Variants in CCDC85A observed in about 807,000 individuals in gnomAD.
CCDC85A encodes the protein coiled-coil domain containing 85A, also known as coiled-coil domain-containing protein 85A.
In CCDC85A, 38 loss-of-function variants were observed where a neutral mutation model predicts 50.2. That is an observed-to-expected ratio of 0.76 (90% CI 0.58 to 0.99). CCDC85A has a LOEUF of 0.99. CCDC85A is among the 50% of genes least tolerant of loss of function. CCDC85A has a pLI of 0.00. For synonymous variants in CCDC85A, 366 were observed against 301.4 expected (o/e 1.21, Z -2.22); for missense variants, 820 against 742.0 (o/e 1.11, Z -1.22).
intron 2 of CCDC85A, among the ~76,000 whole-genome samples, chr2:56,301,993 C>T (rs745593554): frequency 2.2e-4 from 34 of 152,268 alleles, no homozygotes; most frequent in South Asian, 4.1e-4. Context: ...TAGTGGCTCA[C>T]GCCTGTAATC....
chr2:56,383,059 AC>A (rs1676665287), intron 5 of CCDC85A, among the ~76,000 whole-genome samples: 1 of 151,860 alleles, frequency 6.6e-6, no homozygotes. Context: ...ATATTTAAGA[AC>A]CCTAACTTCA....
chr2:56,277,430 T>C (rs2869530), intron 2 of CCDC85A, among the ~76,000 whole-genome samples: 11,792 of 98,848 alleles, frequency 0.12, 1,508 homozygotes, highest in African/African-American at 0.37. Flanking sequence ...CATGGACACA[T>C]TAAACATAGA....
At chr2:56,294,314 AG>A (rs1671850544) in intron 2 of CCDC85A, among the ~76,000 whole-genome samples, 1 of 152,186 alleles carries the variant, frequency 6.6e-6, no homozygotes, top group Non-Finnish European at 1.5e-5. Context: ...GAGAGCATCA[AG>A]ATAAGTAGCT....
intron 2 of CCDC85A, among the ~76,000 whole-genome samples, chr2:56,282,144 T>C (rs1489366692): frequency 6.6e-6 from 1 of 152,136 alleles, no homozygotes; most frequent in Non-Finnish European, 1.5e-5. Flanking sequence ...TTTTTATGGA[T>C]ATCGAGGTAC....
intron 5 of CCDC85A, chr2:56,379,630 T>A (rs1452678819): frequency 1.9e-5 from 3 of 158,004 alleles, no homozygotes; most frequent in African/African-American, 7.2e-5. Context: ...GCTAATCCAC[T>A]CTGATATGCA....
intron 2 of CCDC85A, among the ~76,000 whole-genome samples, chr2:56,291,773 CT>C (rs35549209): frequency 0.91 from 105,606 of 115,546 alleles, 48,245 homozygotes; most frequent in South Asian, 0.98. Flanking sequence ...AATGGGAAGG[CT>C]TTTTTTTTTT....
intron 2 of CCDC85A, among the ~76,000 whole-genome samples, chr2:56,229,251 A>T (rs1668678990): frequency 6.6e-6 from 1 of 152,186 alleles, no homozygotes; most frequent in Admixed American, 6.5e-5. Context: ...ATATTAGCTT[A>T]TGAGGAGCTT....
At chr2:56,244,398 G>T (rs1357206156) in intron 2 of CCDC85A, among the ~76,000 whole-genome samples, 1 of 151,954 alleles carries the variant, frequency 6.6e-6, no homozygotes, top group Non-Finnish European at 1.5e-5. Flanking sequence ...ATTCACTTAA[G>T]GTACAAGTGC....
At chr2:56,265,452 AAAAC>A (rs779287457) in intron 2 of CCDC85A, among the ~76,000 whole-genome samples, 1 of 150,918 alleles carries the variant, frequency 6.6e-6, no homozygotes, top group African/African-American at 2.4e-5. Flanking sequence ...TCATAACAAG[AAAAC>A]AAATAACCCT....
Position 56,342,882 on chromosome 2 carries a change from C to A in CCDC85A, c.1244C>A (p.Ser415Ter). 6.3e-7 allele frequency: 1 copy of A among 1,582,650 alleles called. No individual in the cohort carries two copies. Among genetic ancestry groups the A allele is most frequent in the South Asian group, 1.2e-5 (1 of 86,508 alleles). Residue 415 changes from serine to a stop codon, truncating the protein, a stop_gained, in exon 3 of 6, where the codon TCA becomes TAA. Coordinates refer to ENST00000407595, the MANE Select transcript of CCDC85A (RefSeq NM_001080433.2). LOFTEE classifies it high-confidence loss of function. ...HRNVYSGMNE[S>*]TLSYVRQLEA... ...AGTTCTTTCTTTTTAATTTTAGAATCAACCTTGTCCTATGTTAGGCAGCTG... is the reference window on the plus strand; with the variant it reads ...AGTTCTTTCTTTTTAATTTTAGAATAAACCTTGTCCTATGTTAGGCAGCTG...
chr2:56,228,755 A>T (rs569357917), intron 2 of CCDC85A, among the ~76,000 whole-genome samples: 1 of 151,976 alleles, frequency 6.6e-6, no homozygotes, highest in South Asian at 2.1e-4. Flanking sequence ...GGATGCTCTC[A>T]ATCTCCTGAC....
chr2:56,329,373 A>T (rs529860273), intron 2 of CCDC85A, among the ~76,000 whole-genome samples: 3 of 152,240 alleles, frequency 2.0e-5, no homozygotes, highest in African/African-American at 7.2e-5. Context: ...GTTCCTGGAG[A>T]GGAGGAGTCT....
At chr2:56,326,794 C>G (rs939148959) in intron 2 of CCDC85A, among the ~76,000 whole-genome samples, 2 of 151,994 alleles carry the variant, frequency 1.3e-5, no homozygotes, top group Non-Finnish European at 2.9e-5. Context: ...TTTGTTCTTA[C>G]TGGCATCAAG....
intron 2 of CCDC85A, among the ~76,000 whole-genome samples, chr2:56,337,033 G>A (rs372261634): frequency 6.6e-6 from 1 of 152,318 alleles, no homozygotes; most frequent in African/African-American, 2.4e-5. Context: ...CAAGTTCATC[G>A]CACTCTGAGC....
At position 56,330,036 on chromosome 2, in the gene CCDC85A, A is replaced by G. The variant is rs565336758; in HGVS notation, c.1241-12843A>G. ...CAATACCGACTAGATGCACTTAAAGAGGGCCACATACATTAAAGAAAGTTG... is the reference window on the plus strand; with the variant it reads ...CAATACCGACTAGATGCACTTAAAGGGGGCCACATACATTAAAGAAAGTTG... On this transcript the variant is annotated intron_variant, in intron 2 of 5. Transcript: ENST00000407595. Among the ~76,000 whole-genome samples, 228 of 141,878 alleles carry G rather than the reference A, an allele frequency of 1.6e-3. 2 individuals carry two copies. The highest frequency in any genetic ancestry group is 5.8e-3 in the African/African-American group (221 of 38,142). 93.1% of individuals were successfully genotyped at this position (141,878 alleles called of 152,430 possible).
Position 56,340,945 on chromosome 2 carries a change from T to A in CCDC85A, c.1241-1934T>A, listed in dbSNP as rs1251658725. 4.9e-5 allele frequency among the ~76,000 whole-genome samples: 7 copies of A among 142,164 alleles called. No individual in the cohort carries two copies. The East Asian group carries it at 1.1e-3, about 21-fold the overall frequency. 93.3% of individuals were successfully genotyped at this position (142,164 alleles called of 152,430 possible). On this transcript the variant is annotated intron_variant, in intron 2 of 5. Coordinates refer to ENST00000407595, the MANE Select transcript of CCDC85A (RefSeq NM_001080433.2). ...GAAGTAAAGTACATTTGGAAGAGAG[T>A]CAGGGTCAGGTGGGTGACTTGAGAG...
At chr2:56,347,183 A>G (rs1281988907) in intron 3 of CCDC85A, among the ~76,000 whole-genome samples, 5 of 152,196 alleles carry the variant, frequency 3.3e-5, no homozygotes, top group South Asian at 4.1e-4. Flanking sequence ...CCAGAGCTGG[A>G]TAGAACCTTA....
At chr2:56,219,699 A>G (rs1343316280) in intron 2 of CCDC85A, among the ~76,000 whole-genome samples, 7 of 151,878 alleles carry the variant, frequency 4.6e-5, no homozygotes, top group South Asian at 2.1e-4. Context: ...TGAGTGTACA[A>G]TGTTCTTCCA....
At chr2:56,373,155 T>A (rs2104392888) in intron 4 of CCDC85A, among the ~76,000 whole-genome samples, 1 of 152,310 alleles carries the variant, frequency 6.6e-6, no homozygotes, top group African/African-American at 2.4e-5. Context: ...TTATTTAACA[T>A]CTGTTGGAAG....
Sources: gnomAD v4.1 joint callset for allele counts (sites outside exome capture counted in the v4.1 genomes callset) on GRCh38, gnomAD v4.1.1 for gene constraint, MANE v1.5 for transcripts, NCBI Gene and HGNC (gene_info 2026-07-23, HGNC 2026-07-21) for gene names.